Variants in ADGRB1 observed in about 807,000 individuals in gnomAD.
The protein encoded by ADGRB1 is brain-specific angiogenesis inhibitor 1.
Under a neutral mutation model 175.7 loss-of-function variants are expected in ADGRB1, and 36 were observed. The observed-to-expected ratio is 0.20, with a 90% confidence interval of 0.16 to 0.27. The LOEUF is 0.27. Among genes scored for constraint, ADGRB1 ranks in the 10% least tolerant of loss-of-function variants. The pLI is 1.00. For synonymous variants in ADGRB1, 1,054 were observed against 979.4 expected (o/e 1.08, Z -1.42); for missense variants, 1,731 against 2,255.3 (o/e 0.77, Z 4.71).
Position 142,464,317 on chromosome 8 carries a change from C to G in ADGRB1, c.119C>G (p.Pro40Arg), listed in dbSNP as rs2131675489. The G allele has an allele frequency of 1.3e-6, 2 of 1,485,810 alleles. No individual in the cohort carries two copies. The highest frequency in any genetic ancestry group is 1.3e-5 in the South Asian group (1 of 76,324). The allele number at this position is 1,485,810 out of a possible 1,614,324, so 92.0% of individuals were successfully genotyped here. A position where few individuals can be genotyped will look rare whatever the true frequency, so the allele number is the denominator to read the frequency against. The change falls in exon 2 of 31, where the codon CCC becomes CGC. Residue 40 changes from proline to arginine, a missense_variant. Physicochemically the swap from Pro to Arg is moderately radical, Grantham distance 103 (BLOSUM62 -2). Coordinates refer to ENST00000517894, the MANE Select transcript of ADGRB1 (RefSeq NM_001702.3). ...GCCGGAGCAGACGCGGGGCCCGGGC[C>G]CGAGCCGTGCGCCACGCTGGTGCAG... ...AAAGADAGPG[P>R]EPCATLVQGK...
rs193214445 is a variant in ADGRB1 at position 142,493,507 on chromosome 8, G to A, written c.2675+2692G>A. ...CCCCGTCACCGGCTGGGTGCGCTGA[G>A]TGCTAAGGTCTTGGTGCCTGGGTCC... is the stretch of plus-strand genomic sequence containing the variant. On this transcript the variant is annotated intron_variant, in intron 17 of 30. Coordinates refer to ENST00000517894, the MANE Select transcript of ADGRB1 (RefSeq NM_001702.3). This position sits in a 1 kb window ranked among gnomAD's most constrained non-coding sequence, Gnocchi z 5.0. Among the ~76,000 whole-genome samples the A allele has an allele frequency of 6.6e-6, 1 of 152,352 alleles. No homozygotes were observed. Among genetic ancestry groups the A allele is most frequent in the Admixed American group, 6.5e-5 (1 of 15,312 alleles).
intron 25 of ADGRB1, among the ~76,000 whole-genome samples, chr8:142,535,183 C>G (rs866921285): frequency 6.6e-6 from 1 of 152,176 alleles, no homozygotes; most frequent in Non-Finnish European, 1.5e-5. Flanking sequence ...AGGCAAATCC[C>G]CAAGGACCAA....
chr8:142,504,739 T>C lies in ADGRB1; in HGVS notation c.2676-6193T>C, dbSNP rs1842773912. ...CTAAGGGGCTTGTACCTAGGGGTGA[T>C]CGAGCCGCGTGTTGGTTTAAGGGGC... is the stretch of plus-strand genomic sequence containing the variant. On this transcript the variant is annotated intron_variant, in intron 17 of 30. Coordinates refer to ENST00000517894, the MANE Select transcript of ADGRB1 (RefSeq NM_001702.3). This position sits in a 1 kb window ranked among gnomAD's most constrained non-coding sequence, Gnocchi z 5.6. Among the ~76,000 whole-genome samples, 1 of 151,964 alleles carries C rather than the reference T, an allele frequency of 6.6e-6. No homozygotes were observed. Among genetic ancestry groups the C allele is most frequent in the Admixed American group, 6.5e-5 (1 of 15,278 alleles).
intron 4 of ADGRB1, 123 bp downstream of exon 4, chr8:142,476,818 T>G (rs1189594187): frequency 9.3e-7 from 1 of 1,073,980 alleles, no homozygotes; most frequent in South Asian, 1.6e-5. Flanking sequence ...AACCCTTAGG[T>G]GCAGGGCTCT....
At chr8:142,452,012 C>G (rs1274713488) in intron 1 of ADGRB1, among the ~76,000 whole-genome samples, 1 of 152,114 alleles carries the variant, frequency 6.6e-6, no homozygotes, top group African/African-American at 2.4e-5. Flanking sequence ...CGTCCGCGCA[C>G]AGTCGGGGCC....
intron 25 of ADGRB1, among the ~76,000 whole-genome samples, chr8:142,534,024 G>A (rs1844784552): frequency 1.3e-5 from 2 of 152,226 alleles, no homozygotes; most frequent in Non-Finnish European, 2.9e-5. Flanking sequence ...GGAGCGGGGC[G>A]GCCACCTCCC....
intron 23 of ADGRB1, among the ~76,000 whole-genome samples, chr8:142,525,287 G>A (rs983034090): frequency 6.6e-6 from 1 of 151,988 alleles, no homozygotes; most frequent in Non-Finnish European, 1.5e-5. Context: ...AGGCAGGAGA[G>A]GCGTGGGGTA....
chr8:142,485,258 T>C (rs1841607551), intron 13 of ADGRB1, among the ~76,000 whole-genome samples: 1 of 152,166 alleles, frequency 6.6e-6, no homozygotes, highest in African/African-American at 2.4e-5. Context: ...GACGAGTGAG[T>C]GGCTGAATCC....
chr8:142,483,195 C>T (rs112111265), intron 11 of ADGRB1, among the ~76,000 whole-genome samples: 2,992 of 137,198 alleles, frequency 0.022, 64 homozygotes, highest in African/African-American at 0.079. Flanking sequence ...GAGCCCTGAC[C>T]CTGGTCACAC....
Position 142,542,248 on chromosome 8 carries a change from G to A in ADGRB1, c.4014G>A (p.Glu1338=). The change falls in exon 28 of 31, where the codon GAG becomes GAA. Residue 1338 remains glutamate (E), a synonymous_variant. Transcript: ENST00000517894. This position sits in a 1 kb window ranked among gnomAD's most constrained non-coding sequence, Gnocchi z 6.3. ...ACTCGGAGCTGAGCCGGGCCCAGGA[G>A]AAGGCTCTGGACACGAGCTACGTGA... ...KLDSELSRAQ[E]KALDTSYVIL... The A allele has an allele frequency of 1.9e-6, 3 of 1,613,578 alleles. No individual in the cohort carries two copies. Among genetic ancestry groups the A allele is most frequent in the East Asian group, 2.2e-5 (1 of 44,872 alleles).
chr8:142,524,335 G>A (rs1005711315), intron 23 of ADGRB1, 31 bp downstream of exon 23: 39 of 1,558,388 alleles, frequency 2.5e-5, no homozygotes, highest in Admixed American at 3.7e-5. Context: ...CACTCCCCAC[G>A]ACCCCACCTG....
chr8:142,523,979 G>A (rs988206787), intron 22 of ADGRB1, among the ~76,000 whole-genome samples: 1 of 152,146 alleles, frequency 6.6e-6, no homozygotes, highest in Non-Finnish European at 1.5e-5. Context: ...TGCCCCTGCT[G>A]TGTGGCTCTA....
At chr8:142,526,503 GCCCCCA>G in intron 23 of ADGRB1, 33 bp from the exon 24 acceptor site, 3 of 1,259,266 alleles carry the variant, frequency 2.4e-6, no homozygotes, top group Non-Finnish European at 2.3e-6. Context: ...GCCTACGGCG[GCCCCCA>G]CCCCCACACC....
chr8:142,515,741 C>T (rs1215341498), intron 18 of ADGRB1, among the ~76,000 whole-genome samples: 2 of 152,198 alleles, frequency 1.3e-5, no homozygotes, highest in African/African-American at 2.4e-5. Flanking sequence ...ATCGGGGGGC[C>T]GGTGGGAGAG....
At chr8:142,478,627 G>A (rs1841137081) in intron 7 of ADGRB1, among the ~76,000 whole-genome samples, 1 of 151,346 alleles carries the variant, frequency 6.6e-6, no homozygotes, top group African/African-American at 2.4e-5. Flanking sequence ...GGGGTGCACA[G>A]TGGGACTTGG....
chr8:142,526,812 A>G (rs932889293), intron 24 of ADGRB1, among the ~76,000 whole-genome samples, 185 bp downstream of exon 24: 2 of 152,156 alleles, frequency 1.3e-5, no homozygotes, highest in Non-Finnish European at 2.9e-5. Flanking sequence ...CCTGCCTCTC[A>G]CCGTGCCTCA....
At position 142,475,628 on chromosome 8, in the gene ADGRB1, C is replaced by G; in HGVS notation, c.939C>G (p.Ala313=). ...LEEGRQCNRE[A]CGPAGRTSSR... ...AGGGTCGCCAGTGCAACCGCGAGGC[C>G]TGCGGCCGTGAGTGCGGGCGGGGCG... Residue 313 remains alanine, a synonymous_variant, in exon 3 of 31, where the codon GCC becomes GCG. Coordinates refer to ENST00000517894, the MANE Select transcript of ADGRB1 (RefSeq NM_001702.3). 8.1e-7 allele frequency: 1 copy of G among 1,228,296 alleles called. No homozygotes were observed. Among genetic ancestry groups the G allele is most frequent in the Non-Finnish European group, 1.0e-6 (1 of 985,582 alleles). The allele number at this position is 1,228,296 out of a possible 1,614,324, so 76.1% of individuals were successfully genotyped here.
At chr8:142,540,628 C>A (rs1057029139) in intron 27 of ADGRB1, among the ~76,000 whole-genome samples, 1 of 152,140 alleles carries the variant, frequency 6.6e-6, no homozygotes, top group African/African-American at 2.4e-5. Flanking sequence ...GGCACATAGA[C>A]CCCTCACGTG....
chr8:142,469,468 C>T (rs111161537), intron 2 of ADGRB1, among the ~76,000 whole-genome samples: 20,366 of 126,526 alleles, frequency 0.16, 1,582 homozygotes, highest in Middle Eastern at 0.26. Flanking sequence ...TGTGTATGCA[C>T]GTGCATGTGT....
Sources: allele counts gnomAD v4.1 joint callset (sites outside exome capture counted in the v4.1 genomes callset), GRCh38; gene constraint gnomAD v4.1.1; non-coding constraint Gnocchi (gnomAD v3.1); transcripts MANE v1.5; gene names NCBI Gene and HGNC (gene_info 2026-07-23, HGNC 2026-07-21).